Variants in CNGB1 observed in about 807,000 individuals in gnomAD.
CNGB1 encodes cyclic nucleotide gated channel subunit beta 1, also known as cyclic nucleotide-gated channel beta-1.
In CNGB1, 126 loss-of-function variants were observed where a neutral mutation model predicts 151.7. The ratio of observed to expected loss-of-function variants is 0.83; its 90% CI spans 0.72 to 0.96. The LOEUF is 0.96. CNGB1 is among the 40% of genes least tolerant of loss of function. The probability of loss-of-function intolerance (pLI) is 0.00; values close to 1 mark genes in which losing one functional copy is unlikely to be tolerated. For synonymous variants in CNGB1, 623 were observed against 635.1 expected (o/e 0.98, Z 0.29); for missense variants, 1,698 against 1,627.0 (o/e 1.04, Z -0.75).
chr16:57,915,214 C>A (rs1303038830), intron 23 of CNGB1, 35 bp downstream of exon 23: 1 of 1,566,952 alleles, frequency 6.4e-7, no homozygotes, highest in East Asian at 2.2e-5. Context: ...CAGGGATGAG[C>A]TGAAGGCCTG....
intron 22 of CNGB1, 83 bp from the exon 23 acceptor site, chr16:57,915,418 C>A: frequency 1.0e-5 from 11 of 1,072,586 alleles, no homozygotes; most frequent in Non-Finnish European, 1.6e-5. Flanking sequence ...GGAGTCTCTC[C>A]CTTCCATGGA....
chr16:57,916,162 C>T lies in CNGB1; in HGVS notation c.2184G>A (p.Met728Ile). The T allele has an allele frequency of 6.2e-7, 1 of 1,614,020 alleles. No individual in the cohort carries two copies. Among genetic ancestry groups the T allele is most frequent in the Non-Finnish European group, 8.5e-7 (1 of 1,179,930 alleles). Residue 728 changes from methionine (M) to isoleucine (I), a missense_variant, in exon 22 of 33, where the codon ATG becomes ATA. Physicochemically the swap from Met to Ile is conservative, Grantham distance 10 (BLOSUM62 1). Coordinates refer to ENST00000251102, the MANE Select transcript of CNGB1 (RefSeq NM_001297.5). ...GGDIITDKKDMRNNYLKSRRF... is the reference protein window; with the variant it reads ...GGDIITDKKDIRNNYLKSRRF... ...GGCGAGACTTCAGGTAGTTATTTCGCATGTCCTTTTTGTCCGTCTGAAAGA... is the reference window on the plus strand; with the variant it reads ...GGCGAGACTTCAGGTAGTTATTTCGTATGTCCTTTTTGTCCGTCTGAAAGA...
chr16:57,938,556 A>G (rs1210918111), intron 16 of CNGB1, among the ~76,000 whole-genome samples: 6 of 152,298 alleles, frequency 3.9e-5, no homozygotes, highest in African/African-American at 1.4e-4. Flanking sequence ...TTTGGAAGTC[A>G]TGGTTCAGAC....
chr16:57,904,618 T>C, intron 26 of CNGB1, 116 bp downstream of exon 26: 2 of 1,432,354 alleles, frequency 1.4e-6, no homozygotes, highest in South Asian at 2.3e-5. Context: ...CTCAGTCTAG[T>C]GCCCTTTCCC....
At chr16:57,967,585 A>G (rs977610220) in intron 1 of CNGB1, among the ~76,000 whole-genome samples, 10 of 152,108 alleles carry the variant, frequency 6.6e-5, no homozygotes, top group African/African-American at 2.4e-4. Flanking sequence ...AGTCCCAGCT[A>G]CTCAGGAGGC....
rs1243993522 is a variant in CNGB1, at chr16:57,911,639, G to A, written c.2492+114C>T. 2.1e-6 allele frequency: 3 copies of A among 1,438,304 alleles called. No homozygotes were observed. The East Asian group carries it at 7.1e-5, about 34-fold the overall frequency. The allele number at this position is 1,438,304 out of a possible 1,614,324, so 89.1% of individuals were successfully genotyped here. A position where few individuals can be genotyped will look rare whatever the true frequency, so the allele number is the denominator to read the frequency against. ...ATGCCAGTGATTGCTTAGGAGCAAA[G>A]TGGCCTTGGCAATACAGCAGCAATA... On this transcript the variant is annotated intron_variant, in intron 25 of 32. Coordinates refer to ENST00000251102, the MANE Select transcript of CNGB1 (RefSeq NM_001297.5).
chr16:57,912,038 AC>A (rs1358242524), intron 24 of CNGB1, 163 bp from the exon 25 acceptor site: 16 of 860,130 alleles, frequency 1.9e-5, no homozygotes, highest in Non-Finnish European at 2.2e-5. Context: ...CGTTGTCATG[AC>A]CTGGGGCTAG....
rs1336720366 is a variant in CNGB1 at position 57,901,253 on chromosome 16, G to T, written c.2976+99C>A. The T allele has an allele frequency of 3.5e-6, 4 of 1,156,136 alleles. No homozygotes were observed. In the South Asian group the frequency reaches 3.7e-5, roughly 11 times the overall value. The allele number at this position is 1,156,136 out of a possible 1,614,324, so 71.6% of individuals were successfully genotyped here. On this transcript the variant is annotated intron_variant, in intron 29 of 32. Transcript: ENST00000251102. ...GCTCTTCTCCCTCCCCAACAATCTC[G>T]CTCTGCCCTGGGCTGGCAGGCACCC...
Position 57,924,600 on chromosome 16 carries a change from T to A in CNGB1, c.1536-1220A>T, listed in dbSNP as rs573958171. Among the ~76,000 whole-genome samples, 4 of 152,298 alleles carry A rather than the reference T, an allele frequency of 2.6e-5. No individual in the cohort carries two copies. The South Asian group carries it at 8.3e-4, about 32-fold the overall frequency. Reference sequence around the variant, plus strand: ...ACATGAAAGCACATCAGGATGAGCATCAGATCAGTCAGTAGCATGAAGATG... The same window carrying A: ...ACATGAAAGCACATCAGGATGAGCAACAGATCAGTCAGTAGCATGAAGATG... On this transcript the variant is annotated intron_variant, in intron 17 of 32. Transcript: ENST00000251102.
intron 7 of CNGB1, among the ~76,000 whole-genome samples, 190 bp downstream of exon 7, chr16:57,962,375 C>T (rs1213516711): frequency 6.6e-6 from 1 of 152,202 alleles, no homozygotes; most frequent in African/African-American, 2.4e-5. Context: ...CCAGGGACAT[C>T]CCACCACAAA....
chr16:57,922,871 T>C (rs1276363919), intron 18 of CNGB1, among the ~76,000 whole-genome samples: 1 of 151,748 alleles, frequency 6.6e-6, no homozygotes, highest in Admixed American at 6.6e-5. Flanking sequence ...ATCTTTTTTT[T>C]TTTTCTTTTT....
intron 23 of CNGB1, among the ~76,000 whole-genome samples, chr16:57,913,894 A>G (rs1161880164): frequency 6.6e-6 from 1 of 152,238 alleles, no homozygotes; most frequent in Non-Finnish European, 1.5e-5. Context: ...TGTCCAAAGC[A>G]CACAGCTGGT....
chr16:57,940,369 G>A, intron 14 of CNGB1, 48 bp from the exon 15 acceptor site: 1 of 1,537,300 alleles, frequency 6.5e-7, no homozygotes, highest in Non-Finnish European at 8.8e-7. Flanking sequence ...GGGTTAGGGT[G>A]TTAAAGGTTT....
At chr16:57,942,489 T>C (rs535618809) in intron 14 of CNGB1, among the ~76,000 whole-genome samples, 1 of 152,124 alleles carries the variant, frequency 6.6e-6, no homozygotes, top group East Asian at 1.9e-4. Flanking sequence ...AGCTATAAAA[T>C]AAAATAAAAT....
At chr16:57,893,097 G>A (rs573881142) in intron 31 of CNGB1, among the ~76,000 whole-genome samples, 1 of 152,280 alleles carries the variant, frequency 6.6e-6, no homozygotes, top group African/African-American at 2.4e-5. Context: ...CCTCTATTAT[G>A]ACAGCTCTCT....
intron 12 of CNGB1, chr16:57,955,414 G>A: frequency 6.8e-7 from 1 of 1,475,440 alleles, no homozygotes; most frequent in African/African-American, 1.4e-5. Flanking sequence ...TGGACAGGCG[G>A]AGGGAATGAG....
intron 31 of CNGB1, 148 bp from the exon 32 acceptor site, chr16:57,888,222 T>C (rs1959989934): frequency 1.3e-6 from 1 of 792,000 alleles, no homozygotes; most frequent in Non-Finnish European, 2.1e-6. Flanking sequence ...CCAAGCGTCG[T>C]GTTAAGTACT....
In CNGB1 at chr16:57,917,259, G is replaced by A. The variant is rs761116846; in HGVS notation, c.2166+9C>T. On this transcript the variant is annotated intron_variant, in intron 21 of 32. Coordinates refer to ENST00000251102, the MANE Select transcript of CNGB1 (RefSeq NM_001297.5). Reference sequence around the variant, plus strand: ...CCGGTCACCCCAACACCACCTGCCTGTGACTCACAATGATGTCCCCGCCTC... The same window carrying A: ...CCGGTCACCCCAACACCACCTGCCTATGACTCACAATGATGTCCCCGCCTC... 3.7e-6 allele frequency: 6 copies of A among 1,610,242 alleles called. No homozygotes were observed. The South Asian group carries it at 5.5e-5, about 15-fold the overall frequency.
At chr16:57,912,116 G>A (rs1326395085) in intron 24 of CNGB1, among the ~76,000 whole-genome samples, 1 of 152,168 alleles carries the variant, frequency 6.6e-6, no homozygotes, top group African/African-American at 2.4e-5. Context: ...GGAAATGTGT[G>A]TGTGTGTGTG....
Sources: gnomAD v4.1 joint callset for allele counts (sites outside exome capture counted in the v4.1 genomes callset) on GRCh38, gnomAD v4.1.1 for gene constraint, MANE v1.5 for transcripts, NCBI Gene and HGNC (gene_info 2026-07-23, HGNC 2026-07-21) for gene names.